The following CACHD1 variants were observed in gnomAD, a reference collection of about 807,000 sequenced individuals.
CACHD1 encodes the protein cache domain containing 1, also known as VWFA and cache domain-containing protein 1.
Under a neutral mutation model 138.7 loss-of-function variants are expected in CACHD1, and 71 were observed. The ratio of observed to expected loss-of-function variants is 0.51; its 90% confidence interval spans 0.42 to 0.62. CACHD1 has a LOEUF of 0.62. Among genes scored for constraint, CACHD1 ranks in the 20% least tolerant of loss-of-function variants. The pLI is 0.00. For synonymous variants in CACHD1, 578 were observed against 591.5 expected, an observed-to-expected ratio of 0.98 and a Z score of 0.33; for missense variants, 1,389 against 1,625.3, an observed-to-expected ratio of 0.85 and a Z score of 2.50.
At chr1:64,598,413 T>C (rs1009753611) in intron 3 of CACHD1, among the ~76,000 whole-genome samples, 1 of 152,146 alleles carries the variant, frequency 6.6e-6, no homozygotes, top group African/African-American at 2.4e-5. Context: ...TGAAATACAG[T>C]AGATGTTCAA....
At chr1:64,533,838 C>T (rs1435810528) in intron 1 of CACHD1, among the ~76,000 whole-genome samples, 1 of 148,354 alleles carries the variant, frequency 6.7e-6, no homozygotes, top group Admixed American at 6.7e-5. Context: ...CTGCAAGCTC[C>T]GCCTCCTGGG....
At chr1:64,552,621 A>G (rs1646767924) in intron 2 of CACHD1, among the ~76,000 whole-genome samples, 1 of 151,970 alleles carries the variant, frequency 6.6e-6, no homozygotes, top group African/African-American at 2.4e-5. Flanking sequence ...CTACAGGCAC[A>G]TGCCCACATG....
At chr1:64,636,150 T>G (rs970208197) in intron 7 of CACHD1, among the ~76,000 whole-genome samples, 1 of 152,120 alleles carries the variant, frequency 6.6e-6, no homozygotes, top group African/African-American at 2.4e-5. Flanking sequence ...TTTCTTTGTT[T>G]GAAAATATTA....
intron 1 of CACHD1, among the ~76,000 whole-genome samples, chr1:64,477,636 T>TA (rs1646183293): frequency 1.4e-5 from 2 of 144,970 alleles, no homozygotes; most frequent in African/African-American, 5.1e-5. Flanking sequence ...TTTATTTTAT[T>TA]TTTTTTTTTG....
intron 1 of CACHD1, among the ~76,000 whole-genome samples, chr1:64,507,837 T>C (rs1443658119): frequency 1.3e-5 from 2 of 152,256 alleles, no homozygotes; most frequent in Non-Finnish European, 2.9e-5. Context: ...GGGCAAATCA[T>C]TTAAAGTTGG....
At chr1:64,472,503 G>T (rs1177108890) in intron 1 of CACHD1, among the ~76,000 whole-genome samples, 1 of 152,102 alleles carries the variant, frequency 6.6e-6, no homozygotes, top group East Asian at 1.9e-4. Context: ...ATGGAGTTGG[G>T]TTTTCTTGAT....
rs759159535 is a variant in CACHD1 at position 64,663,704 on chromosome 1, C to G, written c.1961C>G (p.Thr654Ser). 42 of 1,614,010 alleles carry G rather than the reference C, an allele frequency of 2.6e-5. No individual in the cohort carries two copies. Among genetic ancestry groups the G allele is most frequent in the Non-Finnish European group, 3.3e-5 (39 of 1,180,024 alleles). Reference protein sequence around the residue: ...FKQLATLESPTIMLSAGSFSS... With the variant: ...FKQLATLESPSIMLSAGSFSS... ...TTTGCTTCTCTTTCAGAAAGTCCCACCATCATGCTGTCTGCTGGCAGCTTT... is the reference window on the plus strand; with the variant it reads ...TTTGCTTCTCTTTCAGAAAGTCCCAGCATCATGCTGTCTGCTGGCAGCTTT... Residue 654 changes from threonine (T) to serine (S), a missense_variant, in exon 14 of 27, where the codon ACC (threonine) becomes AGC (serine). By Grantham distance (58) the Thr-to-Ser change is moderately conservative. This residue lies in a region of CACHD1 where 1,000 missense variants were observed against 1,114.7 expected (regional missense o/e 0.90). Coordinates refer to ENST00000651257, the MANE Select transcript of CACHD1 (RefSeq NM_020925.4).
intron 4 of CACHD1, among the ~76,000 whole-genome samples, chr1:64,629,102 A>T (rs1175373007): frequency 6.6e-6 from 1 of 152,218 alleles, no homozygotes; most frequent in Admixed American, 6.5e-5. Flanking sequence ...TACTGGAAAA[A>T]CAATCCAAGA....
At chr1:64,651,804 T>C (rs1649106379) in intron 9 of CACHD1, among the ~76,000 whole-genome samples, 1 of 152,242 alleles carries the variant, frequency 6.6e-6, no homozygotes, top group Non-Finnish European at 1.5e-5. Context: ...CAAGTTCAGC[T>C]GAATCTAACT....
At chr1:64,514,499 T>A (rs1448808172) in intron 1 of CACHD1, among the ~76,000 whole-genome samples, 3 of 152,178 alleles carry the variant, frequency 2.0e-5, no homozygotes, top group Admixed American at 2.0e-4. Context: ...ACAAAGGAAT[T>A]CCTAGGTTTC....
chr1:64,680,513 A>T (rs1234880614), intron 24 of CACHD1, among the ~76,000 whole-genome samples: 1 of 152,072 alleles, frequency 6.6e-6, no homozygotes, highest in Admixed American at 6.5e-5. Flanking sequence ...ATCGAAGCCA[A>T]GTACAAAATG....
intron 1 of CACHD1, among the ~76,000 whole-genome samples, chr1:64,546,912 G>A (rs185482731): frequency 1.5e-4 from 23 of 151,888 alleles, no homozygotes; most frequent in Non-Finnish European, 2.5e-4. Context: ...AAATAAAATG[G>A]ATAGAAAAAA....
intron 4 of CACHD1, among the ~76,000 whole-genome samples, chr1:64,626,119 A>G (rs1024690812): frequency 7.6e-4 from 115 of 152,198 alleles, no homozygotes; most frequent in Admixed American, 3.3e-4. Flanking sequence ...ATTTTCTTCT[A>G]TGTAAGTTAT....
rs202209124 is a variant in CACHD1, at chr1:64,549,802, T to A, written c.199-792T>A. Among the ~76,000 whole-genome samples the A allele has an allele frequency of 2.4e-3, 356 of 148,964 alleles. 6 individuals carry two copies. The highest frequency in any genetic ancestry group is 0.015 in the East Asian group (74 of 5,018). ...AAGGCTGCTGCTCTTTTTATTTTTT[T>A]TATTTTTTTGCTCCTCTAGCAGATA... On this transcript the variant is annotated intron_variant, in intron 1 of 26. Coordinates refer to ENST00000651257, the MANE Select transcript of CACHD1 (RefSeq NM_020925.4).
chr1:64,663,142 G>C lies in CACHD1; in HGVS notation c.1952-553G>C, dbSNP rs138453992. On this transcript the variant is annotated intron_variant, in intron 13 of 26. Transcript: ENST00000651257. ...CATTCCTCATAAGATATTATATGTA[G>C]ATCTCAGATAGTTTGAAGAATTTCT... 2.7e-3 allele frequency among the ~76,000 whole-genome samples: 410 copies of C among 152,266 alleles called. 1 individual carries two copies. Among genetic ancestry groups the C allele is most frequent in the African/African-American group, 9.7e-3 (401 of 41,544 alleles).
intron 14 of CACHD1, 137 bp from the exon 15 acceptor site, chr1:64,664,361 A>G (rs924453456): frequency 1.3e-5 from 10 of 751,616 alleles, no homozygotes; most frequent in Non-Finnish European, 2.1e-5. Context: ...GGTTGCATCC[A>G]TCTGCTGTGG....
intron 2 of CACHD1, among the ~76,000 whole-genome samples, chr1:64,575,286 T>A (rs771767523): frequency 2.0e-5 from 3 of 152,226 alleles, no homozygotes; most frequent in Non-Finnish European, 4.4e-5. Context: ...GCTCTATGTC[T>A]GTCTGAACCA....
intron 1 of CACHD1, among the ~76,000 whole-genome samples, chr1:64,526,254 G>A (rs1209134967): frequency 1.3e-5 from 2 of 152,144 alleles, no homozygotes; most frequent in African/African-American, 4.8e-5. Context: ...CAGTTAAGGT[G>A]CAAGCAAGAT....
chr1:64,655,228 A>G (rs1403232155), intron 12 of CACHD1, among the ~76,000 whole-genome samples: 4 of 152,110 alleles, frequency 2.6e-5, no homozygotes, highest in Non-Finnish European at 2.9e-5. Context: ...GCTAGCACCA[A>G]AACTATCTAC....
Sources: gnomAD v4.1 joint callset for allele counts (sites outside exome capture counted in the v4.1 genomes callset) on GRCh38, gnomAD v4.1.1 for gene constraint, gnomAD v4.1.1 regional missense constraint, MANE v1.5 for transcripts, NCBI Gene and HGNC (gene_info 2026-07-23, HGNC 2026-07-21) for gene names.